Variants in TRPC4 observed in about 807,000 individuals in gnomAD.
The protein encoded by TRPC4 is short transient receptor potential channel 4.
Under a neutral mutation model 99.4 loss-of-function variants are expected in TRPC4, and 49 were observed. That is an observed-to-expected ratio of 0.49 (90% CI 0.39 to 0.63). The LOEUF is 0.63. Among genes scored for constraint, TRPC4 ranks in the 20% least tolerant of loss-of-function variants. TRPC4 has a pLI of 0.00. For synonymous variants in TRPC4, 454 were observed against 425.9 expected, an observed-to-expected ratio of 1.07 and a Z score of -0.81; for missense variants, 898 against 1,152.9, an observed-to-expected ratio of 0.78 and a Z score of 3.20.
intron 5 of TRPC4, among the ~76,000 whole-genome samples, chr13:37,672,944 A>G (rs572064980): frequency 6.6e-6 from 1 of 152,218 alleles, no homozygotes; most frequent in South Asian, 2.1e-4. Context: ...CCAACTTCAG[A>G]CAATTTTTTT....
intron 3 of TRPC4, among the ~76,000 whole-genome samples, chr13:37,698,167 C>CTTTTTTGTTTTTTTTTTTTTTTTTT (rs1953981531): frequency 2.3e-5 from 1 of 42,556 alleles, no homozygotes; most frequent in Non-Finnish European, 3.7e-5. Context: ...AAGGACTAAC[C>CTTTTTTGTTTTTTTTTTTTTTTTTT]TTTTTTTTTT....
chr13:37,855,833 A>G (rs887321791), intron 1 of TRPC4, among the ~76,000 whole-genome samples: 5 of 151,936 alleles, frequency 3.3e-5, no homozygotes, highest in African/African-American at 1.2e-4. Flanking sequence ...TCTTGAGACA[A>G]ATTACAATGG....
At chr13:37,648,250 C>T (rs776236428) in intron 8 of TRPC4, among the ~76,000 whole-genome samples, 3 of 152,076 alleles carry the variant, frequency 2.0e-5, no homozygotes, top group Non-Finnish European at 4.4e-5. Context: ...GTTTCTTATA[C>T]TTTTATAAGC....
chr13:37,765,354 A>G (rs1956335353), intron 2 of TRPC4, among the ~76,000 whole-genome samples: 1 of 151,398 alleles, frequency 6.6e-6, no homozygotes, highest in African/African-American at 2.4e-5. Context: ...TTTAAGCTTT[A>G]TAGTCTTGTT....
rs1346926381 is a variant in TRPC4 at position 37,639,226 on chromosome 13, A to T, written c.2121+32T>A. 4 of 1,613,322 alleles carry T rather than the reference A, an allele frequency of 2.5e-6. No homozygotes were observed. The African/African-American group carries it at 5.3e-5, about 22-fold the overall frequency. On this transcript the variant is annotated intron_variant, in intron 9 of 10. Transcript: ENST00000379705. ...GGGGGACTGCATTTTATTTTAGTGA[A>T]AATTTCAAGACATAGTACAAGGACA...
At chr13:37,796,988 G>GTAAAA (rs1957273279) in intron 1 of TRPC4, among the ~76,000 whole-genome samples, 6 of 26,578 alleles carry the variant, frequency 2.3e-4, no homozygotes, top group African/African-American at 4.2e-4. Context: ...GTAAAGTAAA[G>GTAAAA]TAAAGTAAAG....
intron 2 of TRPC4, among the ~76,000 whole-genome samples, chr13:37,775,260 G>A (rs1956665205): frequency 6.6e-6 from 1 of 151,714 alleles, no homozygotes; most frequent in South Asian, 2.1e-4. Flanking sequence ...GTGCTTTAGG[G>A]TAAGAATATA....
intron 2 of TRPC4, among the ~76,000 whole-genome samples, chr13:37,779,403 A>C (rs762581818): frequency 6.6e-6 from 1 of 151,596 alleles, no homozygotes; most frequent in Non-Finnish European, 1.5e-5. Context: ...GGAAAGAAAT[A>C]AGCTATTACT....
At chr13:37,840,815 C>T (rs948579327) in intron 1 of TRPC4, among the ~76,000 whole-genome samples, 1 of 151,972 alleles carries the variant, frequency 6.6e-6, no homozygotes, top group Admixed American at 6.6e-5. Context: ...TTGAGTCTAT[C>T]ATCGGAAAAC....
intron 1 of TRPC4, among the ~76,000 whole-genome samples, chr13:37,816,546 T>A (rs1337051581): frequency 6.6e-6 from 1 of 152,006 alleles, no homozygotes; most frequent in African/African-American, 2.4e-5. Context: ...AGCATCATCC[T>A]GATACCAAAA....
chr13:37,686,680 A>C (rs1418142909), intron 4 of TRPC4, among the ~76,000 whole-genome samples: 2 of 152,210 alleles, frequency 1.3e-5, no homozygotes. Flanking sequence ...GTTATAGGCA[A>C]GTTGCATAAT....
At chr13:37,773,106 AG>A (rs1473604037) in intron 2 of TRPC4, among the ~76,000 whole-genome samples, 2 of 151,772 alleles carry the variant, frequency 1.3e-5, no homozygotes, top group Non-Finnish European at 2.9e-5. Context: ...CTCTGGCTGA[AG>A]GAATTTCAGG....
chr13:37,702,584 T>A (rs774883111), intron 3 of TRPC4, among the ~76,000 whole-genome samples: 5 of 152,186 alleles, frequency 3.3e-5, no homozygotes, highest in Non-Finnish European at 7.3e-5. Flanking sequence ...TGGCATTAGA[T>A]CCCTGTCTTC....
At chr13:37,683,542 C>T (rs969476198) in intron 4 of TRPC4, among the ~76,000 whole-genome samples, 4 of 152,094 alleles carry the variant, frequency 2.6e-5, no homozygotes, top group African/African-American at 9.7e-5. Context: ...ACTCAGAGAA[C>T]TATGCAGTGT....
chr13:37,825,345 G>A (rs1958170723), intron 1 of TRPC4, among the ~76,000 whole-genome samples: 1 of 149,020 alleles, frequency 6.7e-6, no homozygotes, highest in African/African-American at 2.4e-5. Context: ...TGCTTTTCTA[G>A]TTCTTTTAAT....
At chr13:37,842,750 C>A (rs1958781036) in intron 1 of TRPC4, among the ~76,000 whole-genome samples, 1 of 152,178 alleles carries the variant, frequency 6.6e-6, no homozygotes, top group Admixed American at 6.5e-5. Context: ...CCTCCTAATA[C>A]CATCACTTTC....
chr13:37,869,108 T>C (rs543255224), intron 1 of TRPC4, among the ~76,000 whole-genome samples: 38 of 152,164 alleles, frequency 2.5e-4, no homozygotes, highest in Middle Eastern at 3.4e-3. Flanking sequence ...AATCGATCGG[T>C]AGAACATTGA....
At chr13:37,815,318 G>T (rs1343588251) in intron 1 of TRPC4, among the ~76,000 whole-genome samples, 2 of 151,992 alleles carry the variant, frequency 1.3e-5, no homozygotes, top group Admixed American at 6.6e-5. Flanking sequence ...AAAAGGCAAA[G>T]AGGGGTAAGT....
intron 2 of TRPC4, among the ~76,000 whole-genome samples, chr13:37,763,818 T>C (rs1324949907): frequency 6.6e-6 from 1 of 151,528 alleles, no homozygotes; most frequent in African/African-American, 2.4e-5. Flanking sequence ...GGGTGCTAGA[T>C]AGAGTGAGCA....
Sources: gnomAD v4.1 joint callset for allele counts (sites outside exome capture counted in the v4.1 genomes callset) on GRCh38, gnomAD v4.1.1 for gene constraint, MANE v1.5 for transcripts, NCBI Gene and HGNC (gene_info 2026-07-23, HGNC 2026-07-21) for gene names.